DOCK9: variants seen among roughly 807,000 people sequenced by gnomAD.
DOCK9 encodes the protein dedicator of cytokinesis protein 9.
DOCK9 carries 89 observed loss-of-function variants against 263.3 expected under a neutral mutation model. That is an observed-to-expected ratio of 0.34 (90% CI 0.28 to 0.40). The LOEUF (loss-of-function observed/expected upper bound fraction) is 0.40, where lower values mean the gene tolerates loss of function less well. Ranked by LOEUF, DOCK9 falls within the 10% of genes least tolerant of loss-of-function variation. The pLI is 1.00. For missense variants in DOCK9, 2,140 were observed against 2,603.4 expected (o/e 0.82, Z 3.87); for synonymous variants, 976 against 973.1 (o/e 1.00, Z -0.06).
At chr13:99,051,324 A>G (rs1369541987) in intron 1 of DOCK9, among the ~76,000 whole-genome samples, 7 of 151,972 alleles carry the variant, frequency 4.6e-5, no homozygotes, top group African/African-American at 1.5e-4. Flanking sequence ...GCTTGAGCCC[A>G]CAATGCAGGC....
chr13:99,054,215 TCTCA>T (rs2040823273), intron 1 of DOCK9, among the ~76,000 whole-genome samples: 1 of 152,126 alleles, frequency 6.6e-6, no homozygotes, highest in Non-Finnish European at 1.5e-5. Context: ...ATATTAGTGC[TCTCA>T]CTTAGAAAAA....
At chr13:99,024,977 C>CTTA (rs1444070259) in intron 1 of DOCK9, among the ~76,000 whole-genome samples, 1 of 152,140 alleles carries the variant, frequency 6.6e-6, no homozygotes, top group Non-Finnish European at 1.5e-5. Flanking sequence ...TAGCTGACTC[C>CTTA]TTACAAGGTT....
chr13:98,862,532 C>G (rs1422568766), intron 32 of DOCK9, among the ~76,000 whole-genome samples: 1 of 151,860 alleles, frequency 6.6e-6, no homozygotes, highest in Non-Finnish European at 1.5e-5. Context: ...ACTAAAAATA[C>G]AAAAAAATTG....
At chr13:98,978,128 G>A, upstream of DOCK9, 3 of 1,369,986 alleles carry the variant, frequency 2.2e-6, no homozygotes, top group Non-Finnish European at 2.8e-6. Flanking sequence ...CATGCAAAAG[G>A]GGAGGCTCCT....
rs896643980 is a variant in DOCK9, at chr13:98,808,758, A to G, written c.5367+594T>C. On this transcript the variant is annotated intron_variant, in intron 47 of 52. Transcript: ENST00000682017. Reference sequence around the variant, plus strand: ...AAAACCACACGCCCTAAATATATGTATTATAATTTATACCATTTAATAATG... The same window carrying G: ...AAAACCACACGCCCTAAATATATGTGTTATAATTTATACCATTTAATAATG... 8.3e-6 allele frequency: 7 copies of G among 845,140 alleles called. No homozygotes were observed. The African/African-American group carries it at 1.0e-4, about 12-fold the overall frequency. 52.4% of individuals were successfully genotyped at this position (845,140 alleles called of 1,614,324 possible).
At chr13:99,040,242 G>A (rs752385874) in intron 1 of DOCK9, among the ~76,000 whole-genome samples, 1 of 152,102 alleles carries the variant, frequency 6.6e-6, no homozygotes, top group Non-Finnish European at 1.5e-5. Flanking sequence ...AGATCTGCAG[G>A]TACTTTGATT....
intron 2 of DOCK9, among the ~76,000 whole-genome samples, chr13:98,954,431 A>C (rs2057792942): frequency 6.6e-6 from 1 of 152,192 alleles, no homozygotes; most frequent in African/African-American, 2.4e-5. Context: ...AAGGCATTTA[A>C]CACCACCGGG....
At chr13:98,903,674 T>C (rs1412512962) in intron 10 of DOCK9, among the ~76,000 whole-genome samples, 2 of 117,344 alleles carry the variant, frequency 1.7e-5, no homozygotes, top group East Asian at 2.8e-4. Context: ...ACTGAAAAAA[T>C]ACAGAGCTTG....
intron 48 of DOCK9, 77 bp downstream of exon 48, chr13:98,807,584 T>C (rs2090871932): frequency 1.2e-5 from 15 of 1,292,286 alleles, no homozygotes; most frequent in Non-Finnish European, 1.5e-5. Flanking sequence ...TTTTTTTCTA[T>C]ATACATTTAA....
rs60196433 is a variant in DOCK9 at position 98,927,257 on chromosome 13, C to G, written c.334-1338G>C. Among the ~76,000 whole-genome samples the G allele has an allele frequency of 7.2e-3, 1,100 of 152,298 alleles. 11 individuals are homozygous for G. The highest frequency in any genetic ancestry group is 0.026 in the African/African-American group (1,069 of 41,558). ...TTGAAAATGATTTTTTTAGATTTCTCAAAGCATTTTCACATTTTGAGTATC... is the reference window on the plus strand; with the variant it reads ...TTGAAAATGATTTTTTTAGATTTCTGAAAGCATTTTCACATTTTGAGTATC... On this transcript the variant is annotated intron_variant, in intron 3 of 52. Transcript: ENST00000682017.
At chr13:98,883,789 TA>T (rs2045232742) in intron 22 of DOCK9, 23 bp downstream of exon 22, 1 of 1,541,364 alleles carries the variant, frequency 6.5e-7, no homozygotes, top group Non-Finnish European at 8.8e-7. Context: ...CAGCAACTGC[TA>T]ATTTTGTTGA....
intron 2 of DOCK9, among the ~76,000 whole-genome samples, chr13:98,941,103 C>T (rs541823999): frequency 1.3e-5 from 2 of 152,332 alleles, no homozygotes; most frequent in East Asian, 3.9e-4. Context: ...CTGACTGACA[C>T]CAAGTTGCTC....
Position 98,813,026 on chromosome 13 carries a change from A to G in DOCK9, c.5131-2735T>C, listed in dbSNP as rs78314097. 6.1e-3 allele frequency among the ~76,000 whole-genome samples: 931 copies of G among 152,366 alleles called. 19 individuals are homozygous for G. The highest frequency in any genetic ancestry group is 0.04 in the East Asian group (210 of 5,186). On this transcript the variant is annotated intron_variant, in intron 45 of 52. Coordinates refer to ENST00000682017, the MANE Select transcript of DOCK9 (RefSeq NM_001366683.2). ...CAGCTTATTTGTTTCTAAAAATTAC[A>G]TTAAGTAATCATGAACTATACAGTA...
chr13:98,938,455 C>G (rs532656220), intron 2 of DOCK9, among the ~76,000 whole-genome samples: 1 of 152,248 alleles, frequency 6.6e-6, no homozygotes, highest in East Asian at 1.9e-4. Context: ...GTCTGTTCCT[C>G]TCAAATGGTT....
In DOCK9 at chr13:98,868,385, G is replaced by C; in HGVS notation, c.2944-8C>G. On this transcript the variant is annotated splice_region_variant and splice_polypyrimidine_tract_variant and intron_variant, in intron 27 of 52. Transcript: ENST00000682017. Reference sequence around the variant, plus strand: ...TCTCTGGTTTCGCAGCAACTAAAAAGAATTCAGAGCAAACATTTATTATTT... The same window carrying C: ...TCTCTGGTTTCGCAGCAACTAAAAACAATTCAGAGCAAACATTTATTATTT... 1.2e-6 allele frequency: 2 copies of C among 1,607,220 alleles called. No homozygotes were observed. The highest frequency in any genetic ancestry group is 1.1e-5 in the South Asian group (1 of 89,698).
intron 1 of DOCK9, among the ~76,000 whole-genome samples, chr13:98,976,996 G>A (rs1188894199): frequency 6.6e-6 from 1 of 152,122 alleles, no homozygotes; most frequent in African/African-American, 2.4e-5. Flanking sequence ...CTCTTTAGCA[G>A]ATAATTTGAA....
At chr13:98,936,512 C>T (rs1435531919) in intron 2 of DOCK9, among the ~76,000 whole-genome samples, 2 of 151,304 alleles carry the variant, frequency 1.3e-5, no homozygotes, top group South Asian at 4.2e-4. Context: ...CCAAGCTACT[C>T]AGGAGGCTGA....
intron 43 of DOCK9, 119 bp from the exon 44 acceptor site, chr13:98,827,006 T>C (rs1308742348): frequency 6.2e-6 from 4 of 644,434 alleles, no homozygotes; most frequent in Non-Finnish European, 1.0e-5. Context: ...ATGCACCAGC[T>C]AGTATTTCTA....
intron 1 of DOCK9, among the ~76,000 whole-genome samples, chr13:99,005,812 A>C (rs1459966193): frequency 1.3e-5 from 2 of 152,242 alleles, no homozygotes; most frequent in East Asian, 3.8e-4. Context: ...GCACCATTAA[A>C]GCAGGCCTGG....
Sources: allele counts gnomAD v4.1 joint callset (sites outside exome capture counted in the v4.1 genomes callset), GRCh38; gene constraint gnomAD v4.1.1; transcripts MANE v1.5; gene names NCBI Gene and HGNC (gene_info 2026-07-23, HGNC 2026-07-21).